ITGAL: variants seen among roughly 807,000 people sequenced by gnomAD.
ITGAL encodes integrin subunit alpha L, also known as integrin alpha-L.
Under a neutral mutation model 138.4 loss-of-function variants are expected in ITGAL, and 68 were observed. The ratio of observed to expected loss-of-function variants is 0.49; its 90% confidence interval spans 0.40 to 0.60. The LOEUF (loss-of-function observed/expected upper bound fraction) is 0.60. Among genes scored for constraint, ITGAL ranks in the 20% least tolerant of loss-of-function variants. The probability of loss-of-function intolerance (pLI) is 0.00; values close to 1 mark genes in which losing one functional copy is unlikely to be tolerated. For synonymous variants in ITGAL, 561 were observed against 584.3 expected (o/e 0.96, Z 0.57); for missense variants, 1,256 against 1,478.6 (o/e 0.85, Z 2.47).
intron 17 of ITGAL, among the ~76,000 whole-genome samples, chr16:30,501,578 A>G (rs1597091654): frequency 7.7e-5 from 2 of 26,142 alleles, no homozygotes; most frequent in South Asian, 7.4e-3. Flanking sequence ...ACTCCATCTC[A>G]AAAAAAAAAA....
At chr16:30,503,508 G>C in intron 17 of ITGAL, among the ~76,000 whole-genome samples, 1 of 142,932 alleles carries the variant, frequency 7.0e-6, no homozygotes, top group Non-Finnish European at 1.5e-5. Flanking sequence ...AGAAAGAAAG[G>C]AGGGAAGGAA....
At chr16:30,510,322 T>A in intron 21 of ITGAL, 39 bp from the exon 22 acceptor site, 1 of 1,266,848 alleles carries the variant, frequency 7.9e-7, no homozygotes, top group South Asian at 1.2e-5. Flanking sequence ...AAACTTGGCC[T>A]TGCTCATTAA....
chr16:30,520,932 A>G (rs2051243500), intron 30 of ITGAL, among the ~76,000 whole-genome samples: 1 of 152,040 alleles, frequency 6.6e-6, no homozygotes, highest in Non-Finnish European at 1.5e-5. Flanking sequence ...TAGAAATACA[A>G]AATTAGCTGG....
chr16:30,502,498 G>C (rs1455843616), intron 17 of ITGAL, among the ~76,000 whole-genome samples: 1 of 151,258 alleles, frequency 6.6e-6, no homozygotes, highest in Non-Finnish European at 1.5e-5. Context: ...AGTAATCCCA[G>C]CACTTTGGGA....
rs2016425024 is a variant in ITGAL at position 30,521,598 on chromosome 16, C to G, written c.3446C>G (p.Ala1149Gly). The change falls in exon 31 of 31, where the codon GCT (alanine) becomes GGT (glycine). Residue 1149 changes from alanine to glycine, a missense_variant. Transcript: ENST00000356798. ...DSEQLASGQE[A>G]GDPGCLKPLH... ...GAGCAGCTGGCATCTGGGCAAGAGGCTGGGGATCCCGGCTGCCTGAAGCCC... is the reference window on the plus strand; with the variant it reads ...GAGCAGCTGGCATCTGGGCAAGAGGGTGGGGATCCCGGCTGCCTGAAGCCC... 6.2e-7 allele frequency: 1 copy of G among 1,614,050 alleles called. No homozygotes were observed. Among genetic ancestry groups the G allele is most frequent in the Admixed American group, 1.7e-5 (1 of 59,998 alleles).
In ITGAL at chr16:30,517,631, C is replaced by A. The variant is rs756433335; in HGVS notation, c.2977-18C>A. The A allele has an allele frequency of 6.2e-7, 1 of 1,612,244 alleles. No homozygotes were observed. ...GGGTTGGGGAGGCTCTAACTGAAGA[C>A]CTGCCGCTTGTTCCTAGGAGCCTCC... On this transcript the variant is annotated intron_variant, in intron 26 of 30. Coordinates refer to ENST00000356798, the MANE Select transcript of ITGAL (RefSeq NM_002209.3).
intron 15 of ITGAL, 76 bp from the exon 16 acceptor site, chr16:30,498,998 T>A: frequency 2.8e-6 from 4 of 1,441,764 alleles, no homozygotes; most frequent in Non-Finnish European, 3.8e-6. Flanking sequence ...CTGGCTTTGC[T>A]GGCGGGAGCC....
Position 30,479,338 on chromosome 16 carries a change from C to A in ITGAL, c.453C>A (p.Ile151=), listed in dbSNP as rs747639404. 1 of 1,614,084 alleles carries A rather than the reference C, an allele frequency of 6.2e-7. No homozygotes were observed. The highest frequency in any genetic ancestry group is 1.1e-5 in the South Asian group (1 of 91,080). Residue 151 remains isoleucine (I), a synonymous_variant, in exon 6 of 31, where the codon ATC becomes ATA. Transcript: ENST00000356798. ...TGCGTCTGGCTTCTGCAGAATGTAT[C>A]AAGGGCAACGTAGACCTGGTATTTC... ...LQGRPGFQEC[I]KGNVDLVFLF... is the part of the protein sequence containing the mutation.
intron 15 of ITGAL, among the ~76,000 whole-genome samples, chr16:30,498,426 TAAC>T (rs898901888): frequency 1.3e-5 from 2 of 151,988 alleles, no homozygotes; most frequent in Admixed American, 6.6e-5. Flanking sequence ...AGCGAGGCTC[TAAC>T]AACAACAAAA....
chr16:30,509,176 C>CAA (rs542213432), intron 21 of ITGAL, among the ~76,000 whole-genome samples: 15 of 92,894 alleles, frequency 1.6e-4, no homozygotes, highest in African/African-American at 4.2e-4. Flanking sequence ...GACTCCATCT[C>CAA]AAAAAAAAAA....
intron 25 of ITGAL, among the ~76,000 whole-genome samples, chr16:30,516,116 C>A (rs189553360): frequency 6.6e-6 from 1 of 152,210 alleles, no homozygotes; most frequent in Non-Finnish European, 1.5e-5. Flanking sequence ...TAATTTGATA[C>A]ATTTCCCTGC....
chr16:30,474,214 A>G lies in ITGAL; in HGVS notation c.80A>G (p.Asn27Ser), dbSNP rs745991699. Residue 27 changes from asparagine (N) to serine (S), a missense_variant, in exon 2 of 31, where the codon AAC becomes AGC. Around this residue, in one of 3 missense-constraint regions of ITGAL, gnomAD observed 212 missense variants for 217.4 expected, o/e 0.98. Transcript: ENST00000356798. ...TCCTCAGCGCCGGCCTCGAGCTACAACCTGGACGTGCGGGGCGCGCGGAGC... is the reference window on the plus strand; with the variant it reads ...TCCTCAGCGCCGGCCTCGAGCTACAGCCTGGACGTGCGGGGCGCGCGGAGC... ...FFFFAPASSY[N>S]LDVRGARSFS... 1 of 1,607,034 alleles carries G rather than the reference A, an allele frequency of 6.2e-7. No homozygotes were observed. The highest frequency in any genetic ancestry group is 2.2e-5 in the East Asian group (1 of 44,504).
intron 20 of ITGAL, among the ~76,000 whole-genome samples, chr16:30,505,874 A>C (rs571383168): frequency 5.4e-4 from 83 of 152,320 alleles, no homozygotes; most frequent in Admixed American, 2.8e-3. Context: ...CTCTATCTCT[A>C]AAAAATAAAA....
At chr16:30,485,740 C>T (rs2050638726) in intron 9 of ITGAL, among the ~76,000 whole-genome samples, 1 of 147,932 alleles carries the variant, frequency 6.8e-6, no homozygotes, top group Non-Finnish European at 1.5e-5. Context: ...CGCTATGTTG[C>T]CTGGGCTGGT....
intron 26 of ITGAL, among the ~76,000 whole-genome samples, 179 bp from the exon 27 acceptor site, chr16:30,517,470 A>G (rs1038111663): frequency 6.6e-6 from 1 of 152,060 alleles, no homozygotes; most frequent in African/African-American, 2.4e-5. Context: ...ACAAAGAAAA[A>G]AAAATCAAGG....
chr16:30,500,656 C>T (rs2050881738), intron 17 of ITGAL, among the ~76,000 whole-genome samples: 1 of 151,568 alleles, frequency 6.6e-6, no homozygotes, highest in African/African-American at 2.4e-5. Flanking sequence ...CTCAAATGAT[C>T]CTCCCACCTC....
At chr16:30,503,751 C>A (rs904785871) in intron 17 of ITGAL, among the ~76,000 whole-genome samples, 2 of 152,106 alleles carry the variant, frequency 1.3e-5, no homozygotes, top group African/African-American at 4.8e-5. Context: ...TGAGTACCTA[C>A]AAAATGCCAG....
chr16:30,521,464 T>G (rs749326888), intron 30 of ITGAL, 28 bp from the exon 31 acceptor site: 7 of 1,599,804 alleles, frequency 4.4e-6, no homozygotes, highest in Non-Finnish European at 6.0e-6. Flanking sequence ...GTGAATTCTT[T>G]GCTCGTTCAA....
chr16:30,474,588 G>A, intron 2 of ITGAL: 2 of 381,576 alleles, frequency 5.2e-6, no homozygotes, highest in Non-Finnish European at 9.7e-6. Flanking sequence ...ACTCCCCTGC[G>A]AGCGCCTGGA....
Sources: gnomAD v4.1 joint callset for allele counts (sites outside exome capture counted in the v4.1 genomes callset) on GRCh38, gnomAD v4.1.1 for gene constraint, gnomAD v4.1.1 regional missense constraint, MANE v1.5 for transcripts, NCBI Gene and HGNC (gene_info 2026-07-23, HGNC 2026-07-21) for gene names.